Variants in MAP4K4 observed in about 807,000 individuals in gnomAD.
The protein encoded by MAP4K4 is mitogen-activated protein kinase kinase kinase kinase 4, also known as HPK/GCK-like kinase HGK.
A neutral mutation model predicts 189.6 loss-of-function variants in MAP4K4; 38 were observed. The observed-to-expected ratio is 0.20, with a 90% confidence interval of 0.15 to 0.26. The LOEUF (loss-of-function observed/expected upper bound fraction) is 0.26. Ranked by LOEUF, MAP4K4 falls within the 10% of genes least tolerant of loss-of-function variation. The pLI is 1.00. For synonymous variants in MAP4K4, 610 were observed against 624.3 expected (o/e 0.98, Z 0.34); for missense variants, 1,054 against 1,726.9 (o/e 0.61, Z 6.91).
At chr2:101,750,543 G>T (rs2068305607) in intron 2 of MAP4K4, among the ~76,000 whole-genome samples, 1 of 149,702 alleles carries the variant, frequency 6.7e-6, no homozygotes, top group African/African-American at 2.5e-5. Flanking sequence ...ATAGCATTGG[G>T]AGATATACCT....
intron 3 of MAP4K4, among the ~76,000 whole-genome samples, chr2:101,805,946 T>C (rs1033225789): frequency 6.6e-6 from 1 of 152,272 alleles, no homozygotes; most frequent in East Asian, 1.9e-4. Context: ...ACTTGCAGCA[T>C]GTCCTCCCCC....
Position 101,775,851 on chromosome 2 carries a change from A to C in MAP4K4, c.124-14869A>C, listed in dbSNP as rs191373196. The stretch of plus-strand genomic sequence containing the variant: ...AGGCCAGTGAAGGGGGAACAGAGTC[A>C]GGGTGCTTGTGTGGTCACTCACTGT... On this transcript the variant is annotated intron_variant, in intron 2 of 32. Transcript: ENST00000324219. Among the ~76,000 whole-genome samples, 540 of 152,308 alleles carry C rather than the reference A, an allele frequency of 3.5e-3. 1 individual carries two copies. Among genetic ancestry groups the C allele is most frequent in the African/African-American group, 0.012 (517 of 41,578 alleles).
chr2:101,740,998 G>A (rs979782954), intron 2 of MAP4K4, among the ~76,000 whole-genome samples: 41 of 152,176 alleles, frequency 2.7e-4, no homozygotes, highest in Non-Finnish European at 2.9e-5. Flanking sequence ...TGAGACTGAG[G>A]TTTAGAGAGG....
chr2:101,881,789 G>A lies in MAP4K4; in HGVS notation c.3386-762G>A, dbSNP rs183300006. Among the ~76,000 whole-genome samples the A allele has an allele frequency of 4.4e-4, 67 of 152,234 alleles. 1 individual carries two copies. The highest frequency in any genetic ancestry group is 1.5e-3 in the African/African-American group (63 of 41,524). On this transcript the variant is annotated intron_variant, in intron 27 of 32. Transcript: ENST00000324219. ...TCTGCATCTGTTGATATGATCATATGATTTTTCTTCTTAGCTTGTTGATGT... is the reference window on the plus strand; with the variant it reads ...TCTGCATCTGTTGATATGATCATATAATTTTTCTTCTTAGCTTGTTGATGT...
intron 2 of MAP4K4, among the ~76,000 whole-genome samples, chr2:101,700,629 T>C (rs1327116421): frequency 6.6e-6 from 1 of 152,200 alleles, no homozygotes; most frequent in African/African-American, 2.4e-5. Context: ...TTTTCCTCCT[T>C]TATTTTAATG....
chr2:101,853,549 T>C (rs1436046040), intron 12 of MAP4K4, among the ~76,000 whole-genome samples: 2 of 152,122 alleles, frequency 1.3e-5, no homozygotes, highest in Non-Finnish European at 2.9e-5. Context: ...AACTTCTATT[T>C]AATAGATGCT....
intron 27 of MAP4K4, among the ~76,000 whole-genome samples, chr2:101,879,052 A>G (rs2098296098): frequency 6.6e-6 from 1 of 151,966 alleles, no homozygotes; most frequent in South Asian, 2.1e-4. Context: ...AGCTGAGACC[A>G]GGTGCGGTGG....
intron 2 of MAP4K4, 80 bp downstream of exon 2, chr2:101,698,618 C>T: frequency 7.2e-7 from 1 of 1,388,284 alleles, no homozygotes. Flanking sequence ...GATAAACATG[C>T]TGCTGACTGG....
chr2:101,817,916 C>A (rs1318049696), intron 3 of MAP4K4, among the ~76,000 whole-genome samples: 1 of 152,072 alleles, frequency 6.6e-6, no homozygotes, highest in East Asian at 1.9e-4. Context: ...TTTTAAGGAA[C>A]ATGTAATTTC....
intron 2 of MAP4K4, among the ~76,000 whole-genome samples, chr2:101,704,747 A>G (rs1476245574): frequency 2.0e-5 from 3 of 151,046 alleles, no homozygotes; most frequent in Non-Finnish European, 4.4e-5. Flanking sequence ...TTTAGTAGAG[A>G]TGGGGTTTCA....
intron 2 of MAP4K4, among the ~76,000 whole-genome samples, chr2:101,751,772 G>C (rs2069139797): frequency 6.6e-6 from 1 of 152,210 alleles, no homozygotes; most frequent in South Asian, 2.1e-4. Flanking sequence ...GACACCTGTA[G>C]GTAGGGTAGA....
intron 2 of MAP4K4, among the ~76,000 whole-genome samples, chr2:101,710,365 C>G (rs1345215883): frequency 6.6e-6 from 1 of 152,198 alleles, no homozygotes; most frequent in Non-Finnish European, 1.5e-5. Context: ...CCAGAAAAAT[C>G]TGACAGGTGT....
At chr2:101,712,956 G>A (rs2046417734) in intron 2 of MAP4K4, among the ~76,000 whole-genome samples, 1 of 143,180 alleles carries the variant, frequency 7.0e-6, no homozygotes, top group Non-Finnish European at 1.5e-5. Flanking sequence ...AAGTTGGAGT[G>A]CAGTGGGCAC....
intron 2 of MAP4K4, among the ~76,000 whole-genome samples, chr2:101,715,359 T>C (rs1320136102): frequency 6.6e-6 from 1 of 152,204 alleles, no homozygotes; most frequent in Non-Finnish European, 1.5e-5. Context: ...GATGAGAGTT[T>C]CAACATGTCA....
chr2:101,842,081 T>C (rs2096935253), intron 10 of MAP4K4, among the ~76,000 whole-genome samples: 1 of 152,232 alleles, frequency 6.6e-6, no homozygotes, highest in African/African-American at 2.4e-5. Flanking sequence ...CAGGTTTGTT[T>C]GTGGGTACAT....
At chr2:101,892,547 A>C in exon 33 of MAP4K4, 1 of 250,002 alleles carries the variant, frequency 4.0e-6, no homozygotes, top group Non-Finnish European at 8.0e-6. Flanking sequence ...TAGTCACACA[A>C]ACTGTTCAGT....
intron 2 of MAP4K4, among the ~76,000 whole-genome samples, chr2:101,717,263 G>A (rs1479127649): frequency 6.6e-6 from 1 of 152,156 alleles, no homozygotes; most frequent in Non-Finnish European, 1.5e-5. Context: ...GTCAGCGTGC[G>A]GCCTTCTCAT....
chr2:101,716,841 TC>T (rs1337857782), intron 2 of MAP4K4, among the ~76,000 whole-genome samples: 1 of 152,200 alleles, frequency 6.6e-6, no homozygotes, highest in Non-Finnish European at 1.5e-5. Context: ...GCCTTTTGTT[TC>T]CCATATCTCA....
intron 27 of MAP4K4, among the ~76,000 whole-genome samples, chr2:101,880,798 C>T (rs2098364661): frequency 6.6e-6 from 1 of 152,102 alleles, no homozygotes; most frequent in African/African-American, 2.4e-5. Context: ...TGAGCCACCG[C>T]GCCTGGTGTA....
Sources: gnomAD v4.1 joint callset for allele counts (sites outside exome capture counted in the v4.1 genomes callset) on GRCh38, gnomAD v4.1.1 for gene constraint, MANE v1.5 for transcripts, NCBI Gene and HGNC (gene_info 2026-07-23, HGNC 2026-07-21) for gene names.